UBR4: variants seen among roughly 807,000 people sequenced by gnomAD.
UBR4 encodes E3 ubiquitin-protein ligase UBR4.
Under a neutral mutation model 575.6 loss-of-function variants are expected in UBR4, and 124 were observed. The ratio of observed to expected loss-of-function variants is 0.22; its 90% CI spans 0.19 to 0.25. UBR4 has a LOEUF of 0.25. UBR4 is among the 10% of genes least tolerant of loss of function. The pLI, the probability that UBR4 is intolerant of heterozygous loss-of-function variation, is 1.00. For synonymous variants in UBR4, 2,455 were observed against 2,473.7 expected (o/e 0.99, Z 0.22); for missense variants, 4,818 against 6,478.8 (o/e 0.74, Z 8.80).
At chr1:19,202,919 T>C (rs2092814501) in intron 1 of UBR4, among the ~76,000 whole-genome samples, 1 of 151,726 alleles carries the variant, frequency 6.6e-6, no homozygotes, top group Admixed American at 6.6e-5. Flanking sequence ...ACCCTGTCTC[T>C]ACTAAAATTA....
chr1:19,170,938 G>A, intron 25 of UBR4, 55 bp from the exon 26 acceptor site: 1 of 1,612,534 alleles, frequency 6.2e-7, no homozygotes, highest in Admixed American at 1.7e-5. Context: ...CCACCAGTTA[G>A]GAAAAACTGG....
Position 19,170,759 on chromosome 1 carries a change from T to C in UBR4, c.3643+3A>G. The C allele has an allele frequency of 6.2e-7, 1 of 1,614,202 alleles. No individual in the cohort carries two copies. The highest frequency in any genetic ancestry group is 8.5e-7 in the Non-Finnish European group (1 of 1,180,024). On this transcript the variant is annotated splice_donor_region_variant and intron_variant, in intron 26 of 105. Transcript: ENST00000375254. ...TTACTCAAAAGCACATTTGTTCTCT[T>C]ACCCAGAGTATTTGCCTTGCACCTG...
In UBR4 at chr1:19,131,269, A is replaced by AG. The variant is rs1403804726; in HGVS notation, c.8907-2196_8907-2195insC. Among the ~76,000 whole-genome samples the AG allele has an allele frequency of 4.4e-4, 56 of 127,656 alleles. 1 individual carries two copies. The highest frequency in any genetic ancestry group is 1.6e-3 in the Admixed American group (20 of 12,324). 83.7% of individuals were successfully genotyped at this position (127,656 alleles called of 152,430 possible). ...AAAAAAAAAAAAAAAAAAAAAAAAA[A>AG]TAAACACAGCACCAAAAACTGCAGT... On this transcript the variant is annotated intron_variant, in intron 60 of 105. Transcript: ENST00000375254.
intron 29 of UBR4, 68 bp downstream of exon 29, chr1:19,166,954 G>A (rs1221311225): frequency 4.5e-5 from 69 of 1,527,218 alleles, no homozygotes; most frequent in Non-Finnish European, 5.5e-5. Context: ...AAAGGCAGCA[G>A]TGTTAGTACA....
intron 60 of UBR4, among the ~76,000 whole-genome samples, chr1:19,134,086 T>TAAAAAAA (rs71030132): frequency 6.9e-4 from 36 of 52,506 alleles, no homozygotes; most frequent in African/African-American, 2.6e-3. Flanking sequence ...ACTCTGTCTC[T>TAAAAAAA]AAAAAAAAAA....
In UBR4 at chr1:19,105,037, G is replaced by A; in HGVS notation, c.12645+11C>T. On this transcript the variant is annotated intron_variant, in intron 85 of 105. Transcript: ENST00000375254. ...AGGGAAGGGGCTCTCTTGGGCAATA[G>A]GGTAGGATACCTTGGTGATGAGGTT... 1 of 1,613,070 alleles carries A rather than the reference G, an allele frequency of 6.2e-7. No homozygotes were observed. The highest frequency in any genetic ancestry group is 8.5e-7 in the Non-Finnish European group (1 of 1,179,436).
rs1001610516 is a variant in UBR4, at chr1:19,185,462, GC to G, written c.1751-177del. ...ATCTAAATGCATACATAAAATAAGA[GC>G]AAAACTGATCATCAATAACTGATTC... On this transcript the variant is annotated intron_variant, in intron 14 of 105. Coordinates refer to ENST00000375254, the MANE Select transcript of UBR4 (RefSeq NM_020765.3). Among the ~76,000 whole-genome samples the G allele has an allele frequency of 2.3e-3, 350 of 151,840 alleles. 3 individuals are homozygous for G. The highest frequency in any genetic ancestry group is 8.1e-3 in the African/African-American group (335 of 41,378).
chr1:19,198,669 T>C lies in UBR4; in HGVS notation c.520A>G (p.Lys174Glu). ...VKTLSDVEDQ[K>E]ELASPVSPEL... ...GGGCTTACTGGTGAGGCCAGCTCTTTCTGATCTTCCACTGTAAAATACAAA... is the reference window on the plus strand; with the variant it reads ...GGGCTTACTGGTGAGGCCAGCTCTTCCTGATCTTCCACTGTAAAATACAAA... Residue 174 changes from lysine (K) to glutamate (E), a missense_variant, in exon 5 of 106, where the codon AAA (lysine) becomes GAA (glutamate). Coordinates refer to ENST00000375254, the MANE Select transcript of UBR4 (RefSeq NM_020765.3). 1 of 1,614,072 alleles carries C rather than the reference T, an allele frequency of 6.2e-7. No individual in the cohort carries two copies. The highest frequency in any genetic ancestry group is 8.5e-7 in the Non-Finnish European group (1 of 1,180,002).
chr1:19,120,067 G>C, intron 69 of UBR4, 113 bp downstream of exon 69: 1 of 1,267,860 alleles, frequency 7.9e-7, no homozygotes, highest in Admixed American at 2.1e-5. Flanking sequence ...GAGGATTCAG[G>C]CTGGCGTAAC....
intron 17 of UBR4, among the ~76,000 whole-genome samples, chr1:19,181,827 A>G (rs1183848542): frequency 6.6e-6 from 1 of 152,308 alleles, no homozygotes; most frequent in East Asian, 1.9e-4. Context: ...TTACCATTTC[A>G]ACCATTTTTA....
rs977979105 is a variant in UBR4 at position 19,174,370 on chromosome 1, C to A, written c.2931G>T (p.Gly977=). Reference sequence around the variant, plus strand: ...TTCTCCTAACTGTATCAAGCTGGGACCCAGCTGCAAGCAGGGCTGTCAGTG... The same window carrying A: ...TTCTCCTAACTGTATCAAGCTGGGAACCAGCTGCAAGCAGGGCTGTCAGTG... The part of the protein sequence containing the change: ...YAALTALLAA[G]SQLDTVRRKE... The change falls in exon 22 of 106, where the codon GGG becomes GGT. Residue 977 remains glycine, a synonymous_variant. Coordinates refer to ENST00000375254, the MANE Select transcript of UBR4 (RefSeq NM_020765.3). The A allele has an allele frequency of 6.2e-7, 1 of 1,613,464 alleles. No individual in the cohort carries two copies. Among genetic ancestry groups the A allele is most frequent in the Non-Finnish European group, 8.5e-7 (1 of 1,179,954 alleles).
chr1:19,131,876 AAAAC>A (rs560879748), intron 60 of UBR4, among the ~76,000 whole-genome samples: 210 of 152,306 alleles, frequency 1.4e-3, no homozygotes, highest in Non-Finnish European at 2.3e-3. Context: ...TACGTCTGAA[AAAAC>A]AAACAAACAA....
chr1:19,075,258 TC>T (rs1425835088), intron 105 of UBR4: 1 of 297,738 alleles, frequency 3.4e-6, no homozygotes, highest in African/African-American at 2.2e-5. Flanking sequence ...GCTCTGGCTC[TC>T]CCTGGCTGCA....
chr1:19,083,724 G>A (rs1162473192), intron 102 of UBR4, among the ~76,000 whole-genome samples: 1 of 152,140 alleles, frequency 6.6e-6, no homozygotes, highest in African/African-American at 2.4e-5. Context: ...CATTAAGACA[G>A]AGTCTTGCTA....
chr1:19,171,666 C>T (rs1186927371), intron 25 of UBR4, among the ~76,000 whole-genome samples: 1 of 152,064 alleles, frequency 6.6e-6, no homozygotes, highest in African/African-American at 2.4e-5. Flanking sequence ...CATGGAGAAA[C>T]CCCATTTCTA....
Position 19,185,412 on chromosome 1 carries a change from A to G in UBR4, c.1751-126T>C, listed in dbSNP as rs2091428052. ...TATCCCAATTGTGATGATGGTTACA[A>G]GATTGCATTTGTGTATCAAAACTCA... On this transcript the variant is annotated intron_variant, in intron 14 of 105. Coordinates refer to ENST00000375254, the MANE Select transcript of UBR4 (RefSeq NM_020765.3). 7 of 939,202 alleles carry G rather than the reference A, an allele frequency of 7.5e-6. No homozygotes were observed. The South Asian group carries it at 1.2e-4, about 17-fold the overall frequency. The allele number at this position is 939,202 out of a possible 1,614,324, so 58.2% of individuals were successfully genotyped here.
At position 19,162,483 on chromosome 1, in the gene UBR4, T is replaced by C. The variant is rs2087544085; in HGVS notation, c.4893A>G (p.Glu1631=). 1 of 1,614,068 alleles carries C rather than the reference T, an allele frequency of 6.2e-7. No homozygotes were observed. Among genetic ancestry groups the C allele is most frequent in the Non-Finnish European group, 8.5e-7 (1 of 1,179,940 alleles). ...ACTCCTCCACCCAGTCTGAGTCTAC[T>C]TCAATGGCCCGCTCTTCCCCATCCA... ...LSVDGEERAI[E]VDSDWVEELA... The change falls in exon 35 of 106, where the codon GAA becomes GAG. Residue 1631 remains glutamate, a synonymous_variant. Transcript: ENST00000375254.
rs969395259 is a variant in UBR4 at position 19,076,876 on chromosome 1, T to A, written c.15351A>T (p.Gly5117=). The change falls in exon 105 of 106, where the codon GGA becomes GGT. Residue 5117 remains glycine (G), a synonymous_variant. Coordinates refer to ENST00000375254, the MANE Select transcript of UBR4 (RefSeq NM_020765.3). The part of the protein sequence containing the change: ...FKKVPTSNTE[G]GWSCSLAEYI... ...ACTCAGCGAGAGAGCAGGACCAGCC[T>A]CCCTCTGTGTTACTGGTAGGCACCT... 1.3e-6 allele frequency: 2 copies of A among 1,587,670 alleles called. No homozygotes were observed. The highest frequency in any genetic ancestry group is 8.6e-7 in the Non-Finnish European group (1 of 1,168,078).
chr1:19,164,923 G>A lies in UBR4; in HGVS notation c.4387C>T (p.Arg1463Cys), dbSNP rs770100576. 27 of 1,614,012 alleles carry A rather than the reference G, an allele frequency of 1.7e-5. No homozygotes were observed. Among genetic ancestry groups the A allele is most frequent in the East Asian group, 8.9e-5 (4 of 44,884 alleles). ...LAQLACVEPV[R>C]LQAWLTRMTT... The stretch of plus-strand genomic sequence containing the variant: ...ATGCGGGTGAGCCAGGCCTGCAGGC[G>A]CACAGGTTCCACACAGGCCAGTTGT... The change falls in exon 32 of 106, where the codon CGC (arginine) becomes TGC (cysteine). Residue 1463 changes from arginine (R) to cysteine (C), a missense_variant. Physicochemically the swap from Arg to Cys is radical, Grantham distance 180. Around this residue, in one of 29 missense-constraint regions of UBR4, gnomAD observed 1,172 missense variants for 1,259.7 expected, o/e 0.93. Transcript: ENST00000375254.
Sources: gnomAD v4.1 joint callset for allele counts (sites outside exome capture counted in the v4.1 genomes callset) on GRCh38, gnomAD v4.1.1 for gene constraint, gnomAD v4.1.1 regional missense constraint, MANE v1.5 for transcripts, NCBI Gene and HGNC (gene_info 2026-07-23, HGNC 2026-07-21) for gene names.